Variants in STK4 observed in about 807,000 individuals in gnomAD.
STK4 encodes the protein serine/threonine-protein kinase 4.
A neutral mutation model predicts 64.9 loss-of-function variants in STK4; 30 were observed. The ratio of observed to expected loss-of-function variants is 0.46; its 90% CI spans 0.35 to 0.63. The LOEUF is 0.63. Ranked by LOEUF, STK4 falls within the 20% of genes least tolerant of loss-of-function variation. The pLI is 0.01. For missense variants in STK4, 466 were observed against 598.5 expected, an observed-to-expected ratio of 0.78 and a Z score of 2.31; for synonymous variants, 177 against 199.0, an observed-to-expected ratio of 0.89 and a Z score of 0.93.
At chr20:45,028,327 CTT>C (rs76094387) in intron 10 of STK4, among the ~76,000 whole-genome samples, 10 of 141,008 alleles carry the variant, frequency 7.1e-5, no homozygotes, top group Admixed American at 2.1e-4. Context: ...TGATATCTCT[CTT>C]TTTTTTTTTT....
intron 3 of STK4, among the ~76,000 whole-genome samples, chr20:44,979,094 A>G (rs1466814223): frequency 6.6e-6 from 1 of 152,142 alleles, no homozygotes; most frequent in Non-Finnish European, 1.5e-5. Flanking sequence ...GTGAGCCACC[A>G]TACCTGGCTT....
intron 9 of STK4, among the ~76,000 whole-genome samples, chr20:45,004,672 T>C (rs905768509): frequency 2.6e-5 from 4 of 152,052 alleles, no homozygotes; most frequent in Non-Finnish European, 5.9e-5. Flanking sequence ...AGAGACTCTT[T>C]AGTTTAATTA....
intron 6 of STK4, among the ~76,000 whole-genome samples, chr20:44,995,759 C>T (rs2067719104): frequency 6.6e-6 from 1 of 152,156 alleles, no homozygotes; most frequent in African/African-American, 2.4e-5. Flanking sequence ...GTGTTCCACC[C>T]CTCTCCATTC....
intron 9 of STK4, among the ~76,000 whole-genome samples, chr20:45,001,869 G>T (rs1283489413): frequency 6.6e-6 from 1 of 152,168 alleles, no homozygotes; most frequent in African/African-American, 2.4e-5. Context: ...GTATCTGGCT[G>T]ATCCTTTTTT....
At chr20:45,024,709 C>T (rs1412932007) in intron 9 of STK4, among the ~76,000 whole-genome samples, 1 of 152,194 alleles carries the variant, frequency 6.6e-6, no homozygotes, top group Non-Finnish European at 1.5e-5. Context: ...TCACCCAAAT[C>T]TTTCCATTTA....
chr20:44,967,352 C>T (rs1205607788), intron 1 of STK4: 2 of 516,688 alleles, frequency 3.9e-6, no homozygotes, highest in South Asian at 8.4e-5. Context: ...CTTCTTTACT[C>T]CGGGTCACTG....
At chr20:45,018,103 A>G (rs998007451) in intron 9 of STK4, among the ~76,000 whole-genome samples, 1 of 152,196 alleles carries the variant, frequency 6.6e-6, no homozygotes, top group Non-Finnish European at 1.5e-5. Flanking sequence ...AAAACCACAC[A>G]CTCATAACAA....
chr20:45,027,450 A>T (rs1036052757), intron 10 of STK4, among the ~76,000 whole-genome samples: 8 of 145,680 alleles, frequency 5.5e-5, no homozygotes, highest in Non-Finnish European at 1.2e-4. Context: ...AAAAAAAAAA[A>T]GAAGTTAGCA....
intron 10 of STK4, among the ~76,000 whole-genome samples, chr20:45,048,928 TTC>T (rs1384992268): frequency 2.0e-5 from 3 of 152,170 alleles, no homozygotes; most frequent in African/African-American, 7.2e-5. Flanking sequence ...CTTTTGTGTT[TTC>T]TCTGATTGCT....
chr20:45,074,515 G>T (rs567851073), intron 10 of STK4, among the ~76,000 whole-genome samples: 1 of 152,168 alleles, frequency 6.6e-6, no homozygotes, highest in Admixed American at 6.5e-5. Context: ...AGACATTGGG[G>T]GTGTGGGAAG....
At chr20:44,982,624 TCA>T (rs910677968) in intron 4 of STK4, among the ~76,000 whole-genome samples, 11 of 152,292 alleles carry the variant, frequency 7.2e-5, no homozygotes, top group African/African-American at 2.6e-4. Flanking sequence ...TTCCTGTTAA[TCA>T]GAGAATAATC....
In STK4 at chr20:45,034,037, A is replaced by G. The variant is rs141584982; in HGVS notation, c.1305+8907A>G. ...TCTTACTTTAAAGATAAAATAAAATATAAATTATAAACAATTTAGAAATGA... is the reference window on the plus strand; with the variant it reads ...TCTTACTTTAAAGATAAAATAAAATGTAAATTATAAACAATTTAGAAATGA... On this transcript the variant is annotated intron_variant, in intron 10 of 10. Transcript: ENST00000372806. Among the ~76,000 whole-genome samples the G allele has an allele frequency of 4.1e-4, 62 of 152,224 alleles. 1 individual carries two copies. Among genetic ancestry groups the G allele is most frequent in the African/African-American group, 1.5e-3 (62 of 41,580 alleles).
chr20:45,022,269 T>C (rs954133200), intron 9 of STK4, among the ~76,000 whole-genome samples: 1 of 152,218 alleles, frequency 6.6e-6, no homozygotes, highest in African/African-American at 2.4e-5. Context: ...AAAAATTCTC[T>C]TTTTATTTCA....
intron 10 of STK4, among the ~76,000 whole-genome samples, chr20:45,041,754 G>A (rs1047824863): frequency 6.6e-6 from 1 of 151,354 alleles, no homozygotes; most frequent in Non-Finnish European, 1.5e-5. Flanking sequence ...TTTTAGTGCT[G>A]TTTGTATAAA....
chr20:44,997,349 C>T, intron 7 of STK4, 43 bp downstream of exon 7: 1 of 1,544,598 alleles, frequency 6.5e-7, no homozygotes. Context: ...ATTTCATTTA[C>T]TTGCTGACCA....
chr20:45,012,685 C>T (rs1441462325), intron 9 of STK4, among the ~76,000 whole-genome samples: 1 of 151,810 alleles, frequency 6.6e-6, no homozygotes, highest in African/African-American at 2.4e-5. Context: ...TTCATTGTAA[C>T]AGGTTTTATG....
chr20:44,997,622 A>G (rs6073594), intron 7 of STK4, among the ~76,000 whole-genome samples: 18,614 of 152,188 alleles, frequency 0.12, 1,528 homozygotes, highest in East Asian at 0.22. Context: ...TCTTGATCCC[A>G]GGAGGTTGAG....
At chr20:45,041,099 A>G (rs186960184) in intron 10 of STK4, among the ~76,000 whole-genome samples, 105 of 152,348 alleles carry the variant, frequency 6.9e-4, no homozygotes, top group Admixed American at 1.8e-3. Context: ...TGGTTATGCC[A>G]CAAACTTAAT....
At chr20:45,027,430 C>CAAAAA (rs35208496) in intron 10 of STK4, among the ~76,000 whole-genome samples, 1 of 79,410 alleles carries the variant, frequency 1.3e-5, no homozygotes, top group Non-Finnish European at 2.5e-5. Context: ...AACTCCGTCT[C>CAAAAA]AAAAAAAAAA....
Sources: allele counts gnomAD v4.1 joint callset (sites outside exome capture counted in the v4.1 genomes callset), GRCh38; gene constraint gnomAD v4.1.1; transcripts MANE v1.5; gene names NCBI Gene and HGNC (gene_info 2026-07-23, HGNC 2026-07-21).